The following SPIRE2 variants were observed in gnomAD, a reference collection of about 807,000 sequenced individuals.
SPIRE2 encodes the protein protein spire homolog 2.
In SPIRE2, 76 loss-of-function variants were observed where a neutral mutation model predicts 80.7. That is an observed-to-expected ratio of 0.94 (90% CI 0.78 to 1.14). SPIRE2 has a LOEUF of 1.14. Ranked by LOEUF, SPIRE2 falls within the 50% of genes most tolerant of loss-of-function variation. The pLI is 0.00. For synonymous variants in SPIRE2, 535 were observed against 432.6 expected (o/e 1.24, Z -2.94); for missense variants, 1,196 against 1,015.3 (o/e 1.18, Z -2.42).
rs564572749 is a variant in SPIRE2, at chr16:89,854,525, C to T, written c.765C>T (p.Arg255=). The change falls in exon 5 of 15, where the codon CGC becomes CGT. Residue 255 remains arginine, a synonymous_variant. Coordinates refer to ENST00000378247, the MANE Select transcript of SPIRE2 (RefSeq NM_032451.2). ...LWVQLMRELR[R]GVKLKKVQEQ... is the part of the protein sequence containing the mutation. ...TTCAGCTCATGCGGGAGCTCCGCCG[C>T]GGAGTGAAGCTGAAGAAGGTGCAAG... The T allele has an allele frequency of 4.6e-5, 74 of 1,612,592 alleles. No individual in the cohort carries two copies. The highest frequency in any genetic ancestry group is 5.5e-5 in the Non-Finnish European group (65 of 1,179,912).
In SPIRE2 at chr16:89,828,484, CTGCGCGGCGGAAGG is replaced by C; in HGVS notation, c.-66_-53del. ...GCGGGGCGGGGCGGCCAGGCTGACCCTGCGCGGCGGAAGGCGCGGCTGCATGGACGCGGGTCCGG... is the reference window on the plus strand; with the variant it reads ...GCGGGGCGGGGCGGCCAGGCTGACCCCGCGGCTGCATGGACGCGGGTCCGG... On this transcript the variant is annotated 5_prime_UTR_variant, in exon 1 of 15. Coordinates refer to ENST00000378247, the MANE Select transcript of SPIRE2 (RefSeq NM_032451.2). This position sits in a 1 kb window ranked among gnomAD's most constrained non-coding sequence, Gnocchi z 5.9. 1.0e-6 allele frequency: 1 copy of C among 986,806 alleles called. No individual in the cohort carries two copies. The highest frequency in any genetic ancestry group is 1.1e-4 in the East Asian group (1 of 9,020). 61.1% of individuals were successfully genotyped at this position (986,806 alleles called of 1,614,324 possible).
chr16:89,840,454 T>C (rs1449453751), intron 1 of SPIRE2, among the ~76,000 whole-genome samples: 1 of 150,864 alleles, frequency 6.6e-6, no homozygotes, highest in Non-Finnish European at 1.5e-5. Flanking sequence ...TTTCACCGTG[T>C]TAGCCAGGAT....
intron 9 of SPIRE2, among the ~76,000 whole-genome samples, chr16:89,860,404 A>G (rs1486940693): frequency 1.3e-5 from 2 of 152,028 alleles, no homozygotes; most frequent in Non-Finnish European, 2.9e-5. Context: ...GACTACCGAC[A>G]TGTTTCACGA....
intron 12 of SPIRE2, 142 bp downstream of exon 12, chr16:89,864,003 T>C: frequency 1.6e-6 from 1 of 609,276 alleles, no homozygotes. Context: ...ATATGGTTAG[T>C]ACGAATGAGG....
chr16:89,843,999 C>A (rs898256822), intron 1 of SPIRE2, among the ~76,000 whole-genome samples: 4 of 148,396 alleles, frequency 2.7e-5, no homozygotes, highest in South Asian at 2.2e-4. Context: ...CCGTGCCTGG[C>A]CTTTTTTTTT....
At position 89,863,677 on chromosome 16, in the gene SPIRE2, A is replaced by C. The variant is rs2143826221; in HGVS notation, c.1710+67A>C. ...GTCAGGGGCGGGTGCCGAGAGGGCC[A>C]GTTCCCAGGACTGTTTGCTCATGAT... On this transcript the variant is annotated intron_variant, in intron 11 of 14. Coordinates refer to ENST00000378247, the MANE Select transcript of SPIRE2 (RefSeq NM_032451.2). The surrounding 1 kb of genome is among the most constrained non-coding windows in gnomAD (Gnocchi z 4.3). 1 of 1,612,962 alleles carries C rather than the reference A, an allele frequency of 6.2e-7. No individual in the cohort carries two copies. The highest frequency in any genetic ancestry group is 8.5e-7 in the Non-Finnish European group (1 of 1,179,174).
In SPIRE2 at chr16:89,854,268, G is replaced by A. The variant is rs759782068; in HGVS notation, c.646-18G>A. 5.6e-6 allele frequency: 9 copies of A among 1,609,752 alleles called. No homozygotes were observed. Among genetic ancestry groups the A allele is most frequent in the Middle Eastern group, 1.6e-4 (1 of 6,076 alleles). On this transcript the variant is annotated intron_variant, in intron 3 of 14. Transcript: ENST00000378247. ...ATTCTCGTACCTCCCCTGGACTGACGAGCACGTGTGGTCACAGATGCTGCA... is the reference window on the plus strand; with the variant it reads ...ATTCTCGTACCTCCCCTGGACTGACAAGCACGTGTGGTCACAGATGCTGCA...
chr16:89,854,481 G>T lies in SPIRE2; in HGVS notation c.727-6G>T, dbSNP rs773742034. ...CTGAGACCCATTCTCTTCCCCTGGG[G>T]CCCAGGCCCGACTGTGGGTTCAGCT... On this transcript the variant is annotated splice_polypyrimidine_tract_variant and splice_region_variant and intron_variant, in intron 4 of 14. Coordinates refer to ENST00000378247, the MANE Select transcript of SPIRE2 (RefSeq NM_032451.2). 6.2e-7 allele frequency: 1 copy of T among 1,611,972 alleles called. No homozygotes were observed. Among genetic ancestry groups the T allele is most frequent in the Non-Finnish European group, 8.5e-7 (1 of 1,179,408 alleles).
intron 14 of SPIRE2, 34 bp from the exon 15 acceptor site, chr16:89,870,016 C>T (rs1291493218): frequency 3.8e-6 from 6 of 1,582,290 alleles, no homozygotes; most frequent in Admixed American, 1.7e-5. Flanking sequence ...CCCTGGCTGG[C>T]TCCTCTCCCT....
At chr16:89,840,110 G>C (rs1030698113) in intron 1 of SPIRE2, among the ~76,000 whole-genome samples, 16 of 152,156 alleles carry the variant, frequency 1.1e-4, no homozygotes, top group Admixed American at 2.0e-4. Context: ...GCAGATGGAG[G>C]CTGAGGCTGC....
intron 4 of SPIRE2, 52 bp downstream of exon 4, chr16:89,854,418 G>A (rs759127840): frequency 4.3e-6 from 7 of 1,611,112 alleles, no homozygotes; most frequent in South Asian, 2.2e-5. Flanking sequence ...AGCCTGCCAA[G>A]GGTCTCTGCC....
chr16:89,868,785 G>T (rs1224381279), intron 13 of SPIRE2, among the ~76,000 whole-genome samples: 1 of 151,920 alleles, frequency 6.6e-6, no homozygotes, highest in Non-Finnish European at 1.5e-5. Context: ...AACCCGGGAG[G>T]TGGAGGCCAC....
Position 89,870,438 on chromosome 16 carries a change from G to T in SPIRE2, c.*166G>T, listed in dbSNP as rs1161014814. The T allele has an allele frequency of 1.1e-5, 6 of 567,626 alleles. No homozygotes were observed. The highest frequency in any genetic ancestry group is 1.9e-5 in the Non-Finnish European group (6 of 321,624). The allele number at this position is 567,626 out of a possible 1,614,324, so 35.2% of individuals were successfully genotyped here. A position where few individuals can be genotyped will look rare whatever the true frequency, so the allele number is the denominator to read the frequency against. On this transcript the variant is annotated 3_prime_UTR_variant, in exon 15 of 15. Transcript: ENST00000378247. Reference sequence around the variant, plus strand: ...GTTTCCTGGCCCCAGAGCTCATTTGGGTTCAGGCGCACTTCAAAACCCTCC... The same window carrying T: ...GTTTCCTGGCCCCAGAGCTCATTTGTGTTCAGGCGCACTTCAAAACCCTCC...
At chr16:89,867,435 G>A (rs1338403563) in intron 12 of SPIRE2, among the ~76,000 whole-genome samples, 4 of 149,960 alleles carry the variant, frequency 2.7e-5, no homozygotes, top group South Asian at 2.1e-4. Context: ...GAGGCATCGC[G>A]CCTGGCCGAC....
In SPIRE2 at chr16:89,863,770, G is replaced by C. The variant is rs2041765223; in HGVS notation, c.1711-24G>C. 2 of 1,613,498 alleles carry C rather than the reference G, an allele frequency of 1.2e-6. No homozygotes were observed. Among genetic ancestry groups the C allele is most frequent in the African/African-American group, 2.7e-5 (2 of 74,918 alleles). The stretch of plus-strand genomic sequence containing the variant: ...CCCAGGGAGCTTTGGACAAAGCGGG[G>C]CTCTAACCAGTCTCTCCTGACAGAT... On this transcript the variant is annotated intron_variant, in intron 11 of 14. Transcript: ENST00000378247. The surrounding 1 kb of genome is among the most constrained non-coding windows in gnomAD (Gnocchi z 4.3).
At chr16:89,856,636 T>C (rs1024700445) in intron 7 of SPIRE2, among the ~76,000 whole-genome samples, 143 of 148,552 alleles carry the variant, frequency 9.6e-4, no homozygotes, top group African/African-American at 3.4e-3. Flanking sequence ...TTTTTTGTAG[T>C]TTTAGTAGAG....
intron 1 of SPIRE2, among the ~76,000 whole-genome samples, chr16:89,838,598 T>C (rs2041473946): frequency 6.6e-6 from 1 of 152,116 alleles, no homozygotes; most frequent in South Asian, 2.1e-4. Context: ...CAGATCTGTG[T>C]TTGCCCCAGA....
intron 1 of SPIRE2, among the ~76,000 whole-genome samples, chr16:89,840,477 C>G (rs1178787122): frequency 3.3e-5 from 5 of 150,696 alleles, no homozygotes; most frequent in African/African-American, 1.2e-4. Context: ...TTTCGATCTC[C>G]TGACCTTGGG....
Position 89,870,359 on chromosome 16 carries a change from C to T in SPIRE2, c.*87C>T. 2 of 704,278 alleles carry T rather than the reference C, an allele frequency of 2.8e-6. No homozygotes were observed. Among genetic ancestry groups the T allele is most frequent in the Non-Finnish European group, 4.9e-6 (2 of 411,896 alleles). The allele number at this position is 704,278 out of a possible 1,614,324, so 43.6% of individuals were successfully genotyped here. On this transcript the variant is annotated 3_prime_UTR_variant, in exon 15 of 15. Transcript: ENST00000378247. ...TCTGAGCTGTGCATGTACATATATA[C>T]ATATATAGATACATTTATAATATAT...
Sources: gnomAD v4.1 joint callset for allele counts (sites outside exome capture counted in the v4.1 genomes callset) on GRCh38, gnomAD v4.1.1 for gene constraint, Gnocchi (gnomAD v3.1) non-coding constraint, MANE v1.5 for transcripts, NCBI Gene and HGNC (gene_info 2026-07-23, HGNC 2026-07-21) for gene names.